SHROOM3: variants seen among roughly 807,000 people sequenced by gnomAD.
SHROOM3 encodes the protein protein Shroom3.
SHROOM3 carries 47 observed loss-of-function variants against 138.6 expected under a neutral mutation model. The observed-to-expected ratio is 0.34, with a 90% CI of 0.27 to 0.43. The LOEUF (loss-of-function observed/expected upper bound fraction) is 0.43. SHROOM3 is among the 20% of genes least tolerant of loss of function. The pLI, the probability that SHROOM3 is intolerant of heterozygous loss-of-function variation, is 1.00. For missense variants in SHROOM3, 2,491 were observed against 2,596.5 expected, an observed-to-expected ratio of 0.96 and a Z score of 0.88; for synonymous variants, 1,062 against 1,063.3, an observed-to-expected ratio of 1.00 and a Z score of 0.02.
At chr4:76,759,500 C>T in intron 8 of SHROOM3, 45 bp from the exon 9 acceptor site, 1 of 1,613,046 alleles carries the variant, frequency 6.2e-7, no homozygotes, top group Non-Finnish European at 8.5e-7. Context: ...AACAAAGCCT[C>T]TGGCGTGATC....
At chr4:76,615,046 G>A (rs1320458525) in intron 2 of SHROOM3, among the ~76,000 whole-genome samples, 1 of 152,202 alleles carries the variant, frequency 6.6e-6, no homozygotes, top group Non-Finnish European at 1.5e-5. Flanking sequence ...GAGCTTATCA[G>A]GGTGCAGAGG....
intron 2 of SHROOM3, among the ~76,000 whole-genome samples, chr4:76,647,880 C>G (rs901618398): frequency 3.9e-5 from 6 of 151,966 alleles, no homozygotes; most frequent in African/African-American, 1.2e-4. Context: ...GCCTGGGAGA[C>G]ACAGCTAGAC....
chr4:76,442,481 G>C (rs1730714325), intron 1 of SHROOM3, among the ~76,000 whole-genome samples: 1 of 148,296 alleles, frequency 6.7e-6, no homozygotes, highest in African/African-American at 2.5e-5. Flanking sequence ...GCGATCTCGG[G>C]TCACTGTAAG....
chr4:76,762,910 A>C (rs1722031748), intron 9 of SHROOM3, among the ~76,000 whole-genome samples: 1 of 152,216 alleles, frequency 6.6e-6, no homozygotes, highest in Non-Finnish European at 1.5e-5. Context: ...CTCCAGGAAG[A>C]TAAAACCTGA....
chr4:76,733,825 TGA>T (rs368468350), intron 4 of SHROOM3, among the ~76,000 whole-genome samples: 1 of 150,544 alleles, frequency 6.6e-6, no homozygotes, highest in Non-Finnish European at 1.5e-5. Flanking sequence ...AGGAGTGAGG[TGA>T]GAGAGAGAGA....
chr4:76,518,881 G>A (rs746734879), intron 1 of SHROOM3, among the ~76,000 whole-genome samples: 5 of 152,150 alleles, frequency 3.3e-5, no homozygotes, highest in Non-Finnish European at 7.3e-5. Flanking sequence ...TACAAAAAGC[G>A]CAAGGGCATA....
In SHROOM3 at chr4:76,770,812, A is replaced by C. The variant is rs1473803443; in HGVS notation, c.5536A>C (p.Asn1846His). The C allele has an allele frequency of 3.7e-6, 6 of 1,614,226 alleles. No homozygotes were observed. The highest frequency in any genetic ancestry group is 5.1e-6 in the Non-Finnish European group (6 of 1,180,044). ...MFIGDLDKVV[N>H]LLLSLSGRLA... is the part of the protein sequence containing the mutation. Reference sequence around the variant, plus strand: ...CATAGGGGATTTGGACAAGGTGGTCAACCTGCTGCTCTCCCTCTCGGGGCG... The same window carrying C: ...CATAGGGGATTTGGACAAGGTGGTCCACCTGCTGCTCTCCCTCTCGGGGCG... Residue 1846 changes from asparagine to histidine, a missense_variant, in exon 10 of 11, where the codon AAC becomes CAC. Physicochemically the swap from Asn to His is moderately conservative, Grantham distance 68 (BLOSUM62 1). This residue lies in a region of SHROOM3 where 470 missense variants were observed against 595.0 expected (regional missense o/e 0.79). Coordinates refer to ENST00000296043, the MANE Select transcript of SHROOM3 (RefSeq NM_020859.4).
intron 2 of SHROOM3, among the ~76,000 whole-genome samples, chr4:76,611,095 C>A (rs1329692609): frequency 6.6e-6 from 1 of 152,078 alleles, no homozygotes; most frequent in African/African-American, 2.4e-5. Context: ...ACCATTTTAA[C>A]CATTTTAAGT....
At position 76,636,489 on chromosome 4, in the gene SHROOM3, T is replaced by G. The variant is rs141298346; in HGVS notation, c.324-73667T>G. ...AGTAATTTAAAATCACTTTTCCTAA[T>G]GTGCCTAGCAGTCTCATTTACCTAT... On this transcript the variant is annotated intron_variant, in intron 2 of 10. Coordinates refer to ENST00000296043, the MANE Select transcript of SHROOM3 (RefSeq NM_020859.4). 1.3e-3 allele frequency among the ~76,000 whole-genome samples: 193 copies of G among 152,372 alleles called. 3 individuals carry two copies. The highest frequency in any genetic ancestry group is 4.4e-3 in the African/African-American group (185 of 41,580).
chr4:76,738,227 C>G lies in SHROOM3; in HGVS notation c.588-534C>G, dbSNP rs71607373. On this transcript the variant is annotated intron_variant, in intron 4 of 10. Transcript: ENST00000296043. ...CACCACAAACAAATTGTTTCTAGTG[C>G]AGTTAAGATTCCAGGAAGATTGCCA... Among the ~76,000 whole-genome samples, 611 of 152,274 alleles carry G rather than the reference C, an allele frequency of 4.0e-3. 3 individuals carry two copies. Among genetic ancestry groups the G allele is most frequent in the Admixed American group, 6.7e-3 (102 of 15,300 alleles).
At chr4:76,730,607 T>G (rs1720842532) in intron 3 of SHROOM3, among the ~76,000 whole-genome samples, 197 bp from the exon 4 acceptor site, 1 of 152,178 alleles carries the variant, frequency 6.6e-6, no homozygotes, top group African/African-American at 2.4e-5. Flanking sequence ...AAGTAAAAAT[T>G]TTTACAAGTT....
At chr4:76,689,712 G>A (rs1719459757) in intron 2 of SHROOM3, 1 of 985,650 alleles carries the variant, frequency 1.0e-6, no homozygotes, top group Non-Finnish European at 1.2e-6. Flanking sequence ...GGTGAGTGAG[G>A]AGGGCGGCTG....
At chr4:76,732,827 G>C (rs986111498) in intron 4 of SHROOM3, among the ~76,000 whole-genome samples, 1 of 152,098 alleles carries the variant, frequency 6.6e-6, no homozygotes, top group Non-Finnish European at 1.5e-5. Context: ...CTTTGATCTT[G>C]GCTTCCTTTT....
intron 4 of SHROOM3, among the ~76,000 whole-genome samples, chr4:76,734,488 C>T (rs1042681275): frequency 2.0e-5 from 3 of 149,214 alleles, no homozygotes; most frequent in Admixed American, 1.3e-4. Flanking sequence ...ATTTTGTGCT[C>T]TATGTTTTAA....
rs9999809 is a variant in SHROOM3 at position 76,529,764 on chromosome 4, C to T, written c.169-25845C>T. On this transcript the variant is annotated intron_variant, in intron 1 of 10. Coordinates refer to ENST00000296043, the MANE Select transcript of SHROOM3 (RefSeq NM_020859.4). ...CGACTTATTCTCTTGCTCTATTTCC[C>T]ACTTCTCCTGCTTTGCTTCCAGTCC... Among the ~76,000 whole-genome samples the T allele has an allele frequency of 2.2e-3, 333 of 152,314 alleles. 1 individual carries two copies. The highest frequency in any genetic ancestry group is 7.8e-3 in the African/African-American group (325 of 41,574).
At chr4:76,544,834 C>G (rs1194666924) in intron 1 of SHROOM3, among the ~76,000 whole-genome samples, 2 of 152,178 alleles carry the variant, frequency 1.3e-5, no homozygotes, top group Non-Finnish European at 2.9e-5. Flanking sequence ...GAAATTGGAG[C>G]TGGTGCTAAA....
chr4:76,483,839 G>T (rs1579185687), intron 1 of SHROOM3, among the ~76,000 whole-genome samples: 1 of 152,162 alleles, frequency 6.6e-6, no homozygotes, highest in Admixed American at 6.5e-5. Context: ...AATGTCCTTT[G>T]CAGGGGCATG....
intron 1 of SHROOM3, among the ~76,000 whole-genome samples, chr4:76,553,843 C>T (rs6532477): frequency 1 from 152,222 of 152,354 alleles, 76,045 homozygotes; most frequent in Middle Eastern, 1. Context: ...AAAAAAAAGA[C>T]GAATGGAAGG....
chr4:76,737,220 T>C (rs1721097338), intron 4 of SHROOM3, among the ~76,000 whole-genome samples: 1 of 152,048 alleles, frequency 6.6e-6, no homozygotes, highest in African/African-American at 2.4e-5. Flanking sequence ...TCTAGTGAAA[T>C]GCATTTTAGT....
Sources: gnomAD v4.1 joint callset for allele counts (sites outside exome capture counted in the v4.1 genomes callset) on GRCh38, gnomAD v4.1.1 for gene constraint, gnomAD v4.1.1 regional missense constraint, MANE v1.5 for transcripts, NCBI Gene and HGNC (gene_info 2026-07-23, HGNC 2026-07-21) for gene names.